The following PTPRO variants were observed in gnomAD, a reference collection of about 807,000 sequenced individuals.
PTPRO encodes the protein receptor-type tyrosine-protein phosphatase O.
A neutral mutation model predicts 145.2 loss-of-function variants in PTPRO; 62 were observed. The ratio of observed to expected loss-of-function variants is 0.43; its 90% confidence interval spans 0.35 to 0.53. The LOEUF (loss-of-function observed/expected upper bound fraction) is 0.53, where lower values mean the gene tolerates loss of function less well. Ranked by LOEUF, PTPRO falls within the 20% of genes least tolerant of loss-of-function variation. The probability of loss-of-function intolerance (pLI) is 0.01; values close to 1 mark genes in which losing one functional copy is unlikely to be tolerated. For missense variants in PTPRO, 1,345 were observed against 1,482.7 expected, an observed-to-expected ratio of 0.91 and a Z score of 1.53; for synonymous variants, 565 against 514.7, an observed-to-expected ratio of 1.10 and a Z score of -1.32.
intron 1 of PTPRO, among the ~76,000 whole-genome samples, chr12:15,362,830 C>A (rs1591743218): frequency 1.3e-5 from 2 of 152,072 alleles, no homozygotes; most frequent in Admixed American, 6.6e-5. Flanking sequence ...TTGTGTGAAA[C>A]CTTTTTTTAA....
chr12:15,438,718 TA>T (rs1940670713), intron 1 of PTPRO, among the ~76,000 whole-genome samples: 1 of 152,080 alleles, frequency 6.6e-6, no homozygotes, highest in Non-Finnish European at 1.5e-5. Context: ...GTAAGAGGAC[TA>T]AATGTATGAA....
At chr12:15,546,802 A>G in intron 13 of PTPRO, 94 bp downstream of exon 13, 1 of 1,536,392 alleles carries the variant, frequency 6.5e-7, no homozygotes, top group Non-Finnish European at 8.9e-7. Context: ...TGAGCTATAT[A>G]AAATGAAAAC....
At chr12:15,416,389 G>A (rs1484271275) in intron 1 of PTPRO, among the ~76,000 whole-genome samples, 8 of 148,640 alleles carry the variant, frequency 5.4e-5, no homozygotes, top group Admixed American at 6.7e-5. Flanking sequence ...GCACAATCTC[G>A]GCTCACTGCA....
chr12:15,537,387 G>C (rs1278938360), intron 12 of PTPRO, among the ~76,000 whole-genome samples: 1 of 152,196 alleles, frequency 6.6e-6, no homozygotes, highest in Non-Finnish European at 1.5e-5. Flanking sequence ...ACCAGCAAAA[G>C]AGACTGAGGA....
chr12:15,383,549 T>A (rs1938929221), intron 1 of PTPRO, among the ~76,000 whole-genome samples: 1 of 152,222 alleles, frequency 6.6e-6, no homozygotes, highest in Non-Finnish European at 1.5e-5. Flanking sequence ...CCAGGGCTTA[T>A]GATACAGCCT....
intron 1 of PTPRO, among the ~76,000 whole-genome samples, chr12:15,392,338 A>G (rs1401652413): frequency 6.6e-6 from 1 of 152,212 alleles, no homozygotes; most frequent in African/African-American, 2.4e-5. Flanking sequence ...AACTGGCTAT[A>G]GCCATATTCT....
At chr12:15,426,093 T>A (rs1163417085) in intron 1 of PTPRO, among the ~76,000 whole-genome samples, 1 of 151,582 alleles carries the variant, frequency 6.6e-6, no homozygotes, top group Non-Finnish European at 1.5e-5. Flanking sequence ...GTCTTTCTTG[T>A]ATTTCACTAC....
chr12:15,499,889 TA>T (rs1942183096), intron 4 of PTPRO, among the ~76,000 whole-genome samples: 1 of 152,180 alleles, frequency 6.6e-6, no homozygotes, highest in Admixed American at 6.5e-5. Context: ...AGACATCAGT[TA>T]TTGCTGACAA....
In PTPRO at chr12:15,598,202, C is replaced by G. The variant is rs1466512821; in HGVS notation, c.*2129C>G. ...GAAGGTCACACTGTTCTCTGGAACA[C>G]TGTTGCTCTTCAGTTTGTAGAGTTT... On this transcript the variant is annotated 3_prime_UTR_variant, in exon 27 of 27. Transcript: ENST00000281171. 6.6e-6 allele frequency among the ~76,000 whole-genome samples: 1 copy of G among 152,188 alleles called. No homozygotes were observed. The highest frequency in any genetic ancestry group is 1.5e-5 in the Non-Finnish European group (1 of 68,026).
chr12:15,518,411 GA>G (rs1006096417), intron 9 of PTPRO, among the ~76,000 whole-genome samples: 21 of 152,220 alleles, frequency 1.4e-4, no homozygotes, highest in African/African-American at 4.8e-4. Flanking sequence ...GGGCTTCCAT[GA>G]AGATCTCTGA....
chr12:15,499,979 A>C (rs1443816705), intron 4 of PTPRO, among the ~76,000 whole-genome samples: 1 of 152,156 alleles, frequency 6.6e-6, no homozygotes, highest in East Asian at 1.9e-4. Context: ...TTGAAATTCA[A>C]ATGTATCTAA....
At chr12:15,568,207 A>C (rs929511613) in intron 18 of PTPRO, among the ~76,000 whole-genome samples, 8 of 152,008 alleles carry the variant, frequency 5.3e-5, no homozygotes. Context: ...AGGCAGGTGG[A>C]TCACTTGAGG....
chr12:15,436,910 C>A (rs1040322553), intron 1 of PTPRO, among the ~76,000 whole-genome samples: 6 of 152,100 alleles, frequency 3.9e-5, no homozygotes, highest in South Asian at 2.1e-4. Context: ...TTCTGAGCAG[C>A]AAGACTTGCA....
rs77510412 is a variant in PTPRO at position 15,565,698 on chromosome 12, T to G, written c.2747+70T>G. On this transcript the variant is annotated intron_variant, in intron 18 of 26. Transcript: ENST00000281171. ...TAATCTTAACGTTCCAATTAAAGAT[T>G]GCTTGTCTTCAAAGAGAAGGGACGC... The G allele has an allele frequency of 6.6e-4, 754 of 1,142,376 alleles. 5 individuals are homozygous for G. The East Asian group carries it at 0.014, about 21-fold the overall frequency. 70.8% of individuals were successfully genotyped at this position (1,142,376 alleles called of 1,614,324 possible).
intron 7 of PTPRO, among the ~76,000 whole-genome samples, chr12:15,513,159 A>G (rs866280470): frequency 2.7e-4 from 6 of 22,214 alleles, no homozygotes; most frequent in East Asian, 8.3e-4. Context: ...AAGAAAGAAA[A>G]AGAAAGAAAG....
At chr12:15,576,087 C>A (rs1229389247) in intron 19 of PTPRO, among the ~76,000 whole-genome samples, 3 of 152,076 alleles carry the variant, frequency 2.0e-5, no homozygotes, top group Non-Finnish European at 4.4e-5. Context: ...TATTTAGAAA[C>A]AAAACTGACA....
Position 15,551,582 on chromosome 12 carries a change from C to T in PTPRO, c.2469C>T (p.Ile823=). The T allele has an allele frequency of 6.2e-7, 1 of 1,613,692 alleles. No individual in the cohort carries two copies. The highest frequency in any genetic ancestry group is 8.5e-7 in the Non-Finnish European group (1 of 1,179,782). Reference sequence around the variant, plus strand: ...AGATGAATCCCAATGTGGTAGTGATCTCCGTGCTGGCCATCCTTAGCACAC... The same window carrying T: ...AGATGAATCCCAATGTGGTAGTGATTTCCGTGCTGGCCATCCTTAGCACAC... The part of the protein sequence containing the change: ...VTEMNPNVVV[I]SVLAILSTLL... The change falls in exon 15 of 27, where the codon ATC becomes ATT. Residue 823 remains isoleucine, a synonymous_variant. Coordinates refer to ENST00000281171, the MANE Select transcript of PTPRO (RefSeq NM_030667.3).
chr12:15,595,118 T>C, intron 26 of PTPRO, 61 bp downstream of exon 26: 1 of 1,100,890 alleles, frequency 9.1e-7, no homozygotes, highest in Non-Finnish European at 1.4e-6. Context: ...GGGGATGTGA[T>C]GGATGGGACA....
At chr12:15,513,465 A>T (rs1333556859) in intron 7 of PTPRO, among the ~76,000 whole-genome samples, 1 of 152,224 alleles carries the variant, frequency 6.6e-6, no homozygotes, top group East Asian at 1.9e-4. Flanking sequence ...ATATAATCTT[A>T]TTTTGTTTAA....
Sources: allele counts gnomAD v4.1 joint callset (sites outside exome capture counted in the v4.1 genomes callset), GRCh38; gene constraint gnomAD v4.1.1; transcripts MANE v1.5; gene names NCBI Gene and HGNC (gene_info 2026-07-23, HGNC 2026-07-21).